Variants in ADAM12 observed in about 807,000 individuals in gnomAD.
The protein encoded by ADAM12 is ADAM metallopeptidase domain 12.
ADAM12 carries 70 observed loss-of-function variants against 106.4 expected under a neutral mutation model. That is an observed-to-expected ratio of 0.66 (90% confidence interval 0.54 to 0.80). The LOEUF is 0.80. Ranked by LOEUF, ADAM12 falls within the 30% of genes least tolerant of loss-of-function variation. ADAM12 has a pLI of 0.00. For missense variants in ADAM12, 1,010 were observed against 1,171.9 expected (o/e 0.86, Z 2.02); for synonymous variants, 420 against 433.5 (o/e 0.97, Z 0.39).
Position 126,177,637 on chromosome 10 carries a change from A to G in ADAM12, c.261-22332T>C, listed in dbSNP as rs190958715. Among the ~76,000 whole-genome samples, 15 of 152,368 alleles carry G rather than the reference A, an allele frequency of 9.8e-5. No individual in the cohort carries two copies. In the East Asian group the frequency reaches 2.9e-3, roughly 29 times the overall value. Reference sequence around the variant, plus strand: ...TTTGGTTATTTAAAAGACAAAAGTAAACAACATTTTGGTTTAAGAATGTGG... The same window carrying G: ...TTTGGTTATTTAAAAGACAAAAGTAGACAACATTTTGGTTTAAGAATGTGG... On this transcript the variant is annotated intron_variant, in intron 3 of 22. Transcript: ENST00000448723.
Position 126,036,314 on chromosome 10 carries a change from C to G in ADAM12, c.2361G>C (p.Arg787Ser). Residue 787 changes from arginine (R) to serine (S), a missense_variant, in exon 21 of 23, where the codon AGG becomes AGC. Physicochemically the swap from Arg to Ser is moderately radical, Grantham distance 110. Around this residue, in one of 3 missense-constraint regions of ADAM12, gnomAD observed 615 missense variants for 708.5 expected, o/e 0.87. Transcript: ENST00000448723. ...PDSYPPKDNP[R>S]RLLQCQNVDI... ...CAACATTCTGACACTGCAGCAATCT[C>G]CTGGGATTGTCCTGTACAGTCAAAG... The G allele has an allele frequency of 6.4e-7, 1 of 1,568,178 alleles. No individual in the cohort carries two copies. The highest frequency in any genetic ancestry group is 8.6e-7 in the Non-Finnish European group (1 of 1,162,882).
intron 1 of ADAM12, among the ~76,000 whole-genome samples, chr10:126,375,650 A>G (rs75712655): frequency 6.6e-6 from 1 of 151,906 alleles, no homozygotes; most frequent in Non-Finnish European, 1.5e-5. Flanking sequence ...TAGAAGAAAG[A>G]AAAGAAAGGT....
chr10:126,122,597 T>C (rs1018194773), intron 5 of ADAM12, among the ~76,000 whole-genome samples: 2 of 151,970 alleles, frequency 1.3e-5, no homozygotes, highest in African/African-American at 4.8e-5. Flanking sequence ...TCCATCTCTA[T>C]TAAAAATACA....
intron 21 of ADAM12, among the ~76,000 whole-genome samples, chr10:126,031,080 G>T (rs1406010147): frequency 6.6e-6 from 1 of 152,168 alleles, no homozygotes; most frequent in Non-Finnish European, 1.5e-5. Flanking sequence ...AGGTCCTGGA[G>T]GGAGGACTGT....
At chr10:126,351,983 G>C (rs1163812671) in intron 1 of ADAM12, among the ~76,000 whole-genome samples, 1 of 152,074 alleles carries the variant, frequency 6.6e-6, no homozygotes, top group African/African-American at 2.4e-5. Flanking sequence ...AGTTGTTCAG[G>C]GACTTCACTG....
Position 126,178,406 on chromosome 10 carries a change from A to ATTT in ADAM12, c.261-23102_261-23101insAAA, listed in dbSNP as rs1426086384. Among the ~76,000 whole-genome samples, 233 of 120,758 alleles carry ATTT rather than the reference A, an allele frequency of 1.9e-3. 2 individuals carry two copies. The highest frequency in any genetic ancestry group is 8.0e-3 in the African/African-American group (224 of 27,832). 79.2% of individuals were successfully genotyped at this position (120,758 alleles called of 152,430 possible). A position where few individuals can be genotyped will look rare whatever the true frequency, so the allele number is the denominator to read the frequency against. ...CTTACCTTAGTCCTCATTGGAGGACATCTTTTTTTTTTTTTTTTTTTTTTT... is the reference window on the plus strand; with the variant it reads ...CTTACCTTAGTCCTCATTGGAGGACATTTTCTTTTTTTTTTTTTTTTTTTTTTT... On this transcript the variant is annotated intron_variant, in intron 3 of 22. Transcript: ENST00000448723.
intron 4 of ADAM12, among the ~76,000 whole-genome samples, chr10:126,144,990 T>C (rs964525480): frequency 1.3e-5 from 2 of 152,206 alleles, no homozygotes; most frequent in African/African-American, 4.8e-5. Context: ...AAGGTCTATC[T>C]TACAGCCTGC....
chr10:126,066,468 G>A lies in ADAM12; in HGVS notation c.1413+249C>T, dbSNP rs954752912. On this transcript the variant is annotated intron_variant, in intron 13 of 22. Coordinates refer to ENST00000448723, the MANE Select transcript of ADAM12 (RefSeq NM_001288973.2). The surrounding 1 kb of genome is among the most constrained non-coding windows in gnomAD (Gnocchi z 5.1). The stretch of plus-strand genomic sequence containing the variant: ...ATTTAAAGTTGAACTAGGGTTTATC[G>A]GTCTGATCAGTTGTCAGCCCCTAAA... Among the ~76,000 whole-genome samples the A allele has an allele frequency of 3.9e-5, 6 of 152,166 alleles. No homozygotes were observed. Among genetic ancestry groups the A allele is most frequent in the African/African-American group, 7.2e-5 (3 of 41,448 alleles).
intron 1 of ADAM12, among the ~76,000 whole-genome samples, chr10:126,348,063 A>C (rs1415851665): frequency 2.0e-5 from 3 of 152,184 alleles, no homozygotes; most frequent in African/African-American, 7.2e-5. Flanking sequence ...GGGGCAATTG[A>C]GAAAGGAGAG....
At chr10:126,158,807 G>A (rs1200669442) in intron 3 of ADAM12, among the ~76,000 whole-genome samples, 5 of 145,564 alleles carry the variant, frequency 3.4e-5, no homozygotes, top group South Asian at 2.3e-4. Flanking sequence ...CACACAGCAC[G>A]GTGGGGAGGA....
At chr10:126,251,448 AGATGGATGGATGGATGGGATGGATGG>A (rs1958745055) in intron 3 of ADAM12, among the ~76,000 whole-genome samples, 2 of 28,216 alleles carry the variant, frequency 7.1e-5, no homozygotes, top group Admixed American at 5.1e-4. Context: ...CCAATAGGAT[AGATGGATGGATGGATGGGATGGATGG>A]GATGGACAGA....
At chr10:126,205,310 A>G (rs1957775611) in intron 3 of ADAM12, among the ~76,000 whole-genome samples, 1 of 138,170 alleles carries the variant, frequency 7.2e-6, no homozygotes, top group African/African-American at 2.7e-5. Flanking sequence ...CTTAAAACCA[A>G]AAGAATTCTG....
At chr10:126,123,183 C>T (rs1956144260) in intron 5 of ADAM12, among the ~76,000 whole-genome samples, 1 of 152,154 alleles carries the variant, frequency 6.6e-6, no homozygotes, top group Non-Finnish European at 1.5e-5. Flanking sequence ...TTGCTGGAAA[C>T]AACAGTGGAC....
At chr10:126,136,309 G>A (rs188741391) in intron 4 of ADAM12, among the ~76,000 whole-genome samples, 55 of 152,314 alleles carry the variant, frequency 3.6e-4, no homozygotes, top group Non-Finnish European at 6.2e-4. Context: ...CTTCCTTAGT[G>A]AAGACAGATA....
At chr10:126,199,678 A>G (rs991090324) in intron 3 of ADAM12, among the ~76,000 whole-genome samples, 26 of 152,250 alleles carry the variant, frequency 1.7e-4, no homozygotes, top group African/African-American at 6.0e-4. Context: ...TTACTAAATC[A>G]GAGAAAAATA....
At chr10:126,248,652 T>A (rs1565165877) in intron 3 of ADAM12, among the ~76,000 whole-genome samples, 1 of 135,876 alleles carries the variant, frequency 7.4e-6, no homozygotes, top group South Asian at 2.3e-4. Context: ...CTCACAGGTA[T>A]GTATGTATGT....
At chr10:126,293,675 C>T (rs562212974) in intron 2 of ADAM12, among the ~76,000 whole-genome samples, 1 of 152,138 alleles carries the variant, frequency 6.6e-6, no homozygotes, top group South Asian at 2.1e-4. Flanking sequence ...CATGTCACCA[C>T]GCCTGGCCAA....
chr10:126,331,919 G>A (rs529114002), intron 1 of ADAM12, among the ~76,000 whole-genome samples: 1 of 152,172 alleles, frequency 6.6e-6, no homozygotes, highest in African/African-American at 2.4e-5. Flanking sequence ...CTCTGAATGG[G>A]AAGCATCAGA....
intron 3 of ADAM12, among the ~76,000 whole-genome samples, chr10:126,177,136 A>C (rs1957235051): frequency 6.6e-6 from 1 of 152,164 alleles, no homozygotes; most frequent in Non-Finnish European, 1.5e-5. Flanking sequence ...GGTGTGCTAT[A>C]GGAAATGCTT....
Sources: gnomAD v4.1 joint callset for allele counts (sites outside exome capture counted in the v4.1 genomes callset) on GRCh38, gnomAD v4.1.1 for gene constraint, gnomAD v4.1.1 regional missense constraint, Gnocchi (gnomAD v3.1) non-coding constraint, MANE v1.5 for transcripts, NCBI Gene and HGNC (gene_info 2026-07-23, HGNC 2026-07-21) for gene names.